The following LIMS1 variants were observed in gnomAD, a reference collection of about 807,000 sequenced individuals.
The protein encoded by LIMS1 is LIM zinc finger domain containing 1.
In LIMS1, 18 loss-of-function variants were observed where a neutral mutation model predicts 44.1. That is an observed-to-expected ratio of 0.41 (90% CI 0.28 to 0.61). The LOEUF (loss-of-function observed/expected upper bound fraction) is 0.61, where lower values mean the gene tolerates loss of function less well. Among genes scored for constraint, LIMS1 ranks in the 20% least tolerant of loss-of-function variants. The probability of loss-of-function intolerance (pLI) is 0.32; values close to 1 mark genes in which losing one functional copy is unlikely to be tolerated. For synonymous variants in LIMS1, 93 were observed against 149.1 expected, an observed-to-expected ratio of 0.62 and a Z score of 2.74; for missense variants, 201 against 422.0, an observed-to-expected ratio of 0.48 and a Z score of 4.59.
chr2:108,570,233 C>T (rs1685437674), intron 1 of LIMS1, among the ~76,000 whole-genome samples: 1 of 152,066 alleles, frequency 6.6e-6, no homozygotes, highest in South Asian at 2.1e-4. Flanking sequence ...GAGTTCAAGA[C>T]CAGTCTGGTC....
chr2:108,596,820 C>CA (rs1478139856), intron 1 of LIMS1, among the ~76,000 whole-genome samples: 19 of 134,290 alleles, frequency 1.4e-4, no homozygotes, highest in Admixed American at 6.8e-4. Context: ...AACTCCGTCT[C>CA]AAAAAAAAAT....
chr2:108,654,612 G>A lies in LIMS1; in HGVS notation c.33-4993G>A, dbSNP rs189811477. Among the ~76,000 whole-genome samples, 3 of 152,234 alleles carry A rather than the reference G, an allele frequency of 2.0e-5. No homozygotes were observed. The East Asian group carries it at 5.8e-4, about 29-fold the overall frequency. ...GTGTGCCAGCAGCCTCAGCCTCAGGGAGAGCTTGTCAGGGGATGTTTTACA... is the reference window on the plus strand; with the variant it reads ...GTGTGCCAGCAGCCTCAGCCTCAGGAAGAGCTTGTCAGGGGATGTTTTACA... On this transcript the variant is annotated intron_variant, in intron 1 of 9. Coordinates refer to ENST00000544547, the Ensembl canonical transcript of LIMS1.
chr2:108,534,462 G>T lies in LIMS1; in HGVS notation c.-101G>T, dbSNP rs913053975. On this transcript the variant is annotated 5_prime_UTR_variant, in exon 1 of 10. Transcript: ENST00000544547. ...TGGCCTTCCTCCCCTTCCTGCTCCG[G>T]GCCCGCCAGTAGCCGGCCGCGGCGG... 46 of 984,628 alleles carry T rather than the reference G, an allele frequency of 4.7e-5. No homozygotes were observed. The highest frequency in any genetic ancestry group is 5.4e-5 in the Non-Finnish European group (42 of 781,058). The allele number at this position is 984,628 out of a possible 1,614,324, so 61.0% of individuals were successfully genotyped here.
intron 1 of LIMS1, among the ~76,000 whole-genome samples, chr2:108,592,451 A>T (rs770455706): frequency 2.2e-4 from 34 of 152,106 alleles, no homozygotes; most frequent in Non-Finnish European, 3.8e-4. Flanking sequence ...AATAACTTAT[A>T]CCAATTTTTG....
intron 1 of LIMS1, among the ~76,000 whole-genome samples, chr2:108,641,153 G>T (rs563525369): frequency 1.3e-5 from 2 of 152,220 alleles, no homozygotes; most frequent in African/African-American, 4.8e-5. Context: ...CATCTGAAAC[G>T]ATGTATTTTA....
chr2:108,550,281 G>T (rs535487228), intron 1 of LIMS1, among the ~76,000 whole-genome samples: 17 of 150,892 alleles, frequency 1.1e-4, no homozygotes, highest in African/African-American at 3.9e-4. Context: ...GGATCGTGAG[G>T]TCAGGAGATC....
intron 1 of LIMS1, among the ~76,000 whole-genome samples, chr2:108,652,866 G>T (rs1435214073): frequency 2.0e-5 from 3 of 151,966 alleles, no homozygotes; most frequent in Non-Finnish European, 4.4e-5. Flanking sequence ...CTGTCTGTCT[G>T]TCTCTTTCTT....
At chr2:108,646,453 C>T (rs1309446506) in intron 1 of LIMS1, among the ~76,000 whole-genome samples, 1 of 152,062 alleles carries the variant, frequency 6.6e-6, no homozygotes, top group African/African-American at 2.4e-5. Context: ...ACACAACGTA[C>T]CAGAATCTCT....
At chr2:108,589,779 CTTT>C (rs1439848002) in intron 1 of LIMS1, among the ~76,000 whole-genome samples, 1 of 151,700 alleles carries the variant, frequency 6.6e-6, no homozygotes, top group Non-Finnish European at 1.5e-5. Context: ...TTAATTTTTT[CTTT>C]ATCTCGATAG....
chr2:108,614,192 C>T (rs533103283), intron 1 of LIMS1, among the ~76,000 whole-genome samples: 59 of 152,286 alleles, frequency 3.9e-4, no homozygotes, highest in African/African-American at 1.1e-3. Flanking sequence ...CCTGTGTTCC[C>T]GGTTTGGAAG....
exon 10 of LIMS1, chr2:108,686,595 C>G (rs1693320237): frequency 6.6e-6 from 1 of 151,242 alleles, no homozygotes; most frequent in Non-Finnish European, 1.5e-5. Flanking sequence ...CAAGGTGAAA[C>G]CCCGTCTCTA....
At chr2:108,670,275 A>G (rs1400861910) in intron 2 of LIMS1, among the ~76,000 whole-genome samples, 1 of 152,116 alleles carries the variant, frequency 6.6e-6, no homozygotes, top group African/African-American at 2.4e-5. Flanking sequence ...GCTTTGGGCC[A>G]GGAGTCCAAG....
intron 1 of LIMS1, among the ~76,000 whole-genome samples, chr2:108,592,426 C>G (rs1220075401): frequency 6.6e-6 from 1 of 152,026 alleles, no homozygotes; most frequent in Non-Finnish European, 1.5e-5. Context: ...AATACAGAAT[C>G]TAAAAAAATT....
intron 9 of LIMS1, among the ~76,000 whole-genome samples, chr2:108,682,322 G>GC (rs987528582): frequency 5.3e-5 from 8 of 151,940 alleles, no homozygotes; most frequent in African/African-American, 1.9e-4. Flanking sequence ...ACATGGTGAA[G>GC]CCCCGTCTCT....
intron 1 of LIMS1, among the ~76,000 whole-genome samples, chr2:108,567,188 C>T (rs933855631): frequency 5.3e-5 from 8 of 152,134 alleles, no homozygotes; most frequent in African/African-American, 1.9e-4. Context: ...GTGGGGTTTA[C>T]GTGTTTCTCC....
chr2:108,544,478 C>G (rs893679871), intron 1 of LIMS1, among the ~76,000 whole-genome samples: 2 of 152,100 alleles, frequency 1.3e-5, no homozygotes, highest in African/African-American at 4.8e-5. Context: ...TGTTTCTGCT[C>G]AGCTTCAACA....
chr2:108,668,337 T>G (rs1372695529), intron 2 of LIMS1, among the ~76,000 whole-genome samples: 5 of 151,958 alleles, frequency 3.3e-5, no homozygotes, highest in Admixed American at 2.6e-4. Flanking sequence ...ACTGTAACTT[T>G]GTACCCATTG....
At chr2:108,569,764 CTTTT>C (rs10596766) in intron 1 of LIMS1, among the ~76,000 whole-genome samples, 12 of 113,126 alleles carry the variant, frequency 1.1e-4, no homozygotes, top group African/African-American at 1.7e-4. Context: ...CCATATCTGG[CTTTT>C]TTTTTTTTTT....
chr2:108,650,825 T>C (rs373735489), intron 1 of LIMS1, among the ~76,000 whole-genome samples: 44 of 151,926 alleles, frequency 2.9e-4, no homozygotes, highest in East Asian at 9.8e-4. Context: ...ATGTACTGTA[T>C]AGTCATAGAA....
Sources: gnomAD v4.1 joint callset for allele counts (sites outside exome capture counted in the v4.1 genomes callset) on GRCh38, gnomAD v4.1.1 for gene constraint, MANE v1.5 for transcripts, NCBI Gene and HGNC (gene_info 2026-07-23, HGNC 2026-07-21) for gene names.